Variants in UEVLD observed in about 807,000 individuals in gnomAD.
The protein encoded by UEVLD is ubiquitin-conjugating enzyme E2 variant 3.
A neutral mutation model predicts 58.6 loss-of-function variants in UEVLD; 47 were observed. The observed-to-expected ratio is 0.80, with a 90% confidence interval of 0.63 to 1.02. UEVLD has a LOEUF of 1.02. Ranked by LOEUF, UEVLD falls within the 50% of genes least tolerant of loss-of-function variation. UEVLD has a pLI of 0.00. For missense variants in UEVLD, 510 were observed against 550.6 expected, an observed-to-expected ratio of 0.93 and a Z score of 0.74; for synonymous variants, 197 against 195.3, an observed-to-expected ratio of 1.01 and a Z score of -0.07.
At chr11:18,544,940 A>G (rs1340036815) in intron 8 of UEVLD, 144 bp from the exon 9 acceptor site, 1 of 450,934 alleles carries the variant, frequency 2.2e-6, no homozygotes, top group Non-Finnish European at 3.8e-6. Context: ...ACACACACAT[A>G]TATACATATA....
At chr11:18,565,201 T>C (rs995885629) in intron 5 of UEVLD, among the ~76,000 whole-genome samples, 191 bp from the exon 6 acceptor site, 1 of 152,324 alleles carries the variant, frequency 6.6e-6, no homozygotes, top group South Asian at 2.1e-4. Context: ...GTCGACTAAA[T>C]AGAAATTATC....
intron 6 of UEVLD, among the ~76,000 whole-genome samples, chr11:18,564,459 C>A (rs1040575426): frequency 6.6e-6 from 1 of 151,530 alleles, no homozygotes; most frequent in Non-Finnish European, 1.5e-5. Context: ...AAAACAAACC[C>A]TAAACTAGTA....
At chr11:18,547,253 T>C (rs754614769) in intron 7 of UEVLD, among the ~76,000 whole-genome samples, 3 of 152,048 alleles carry the variant, frequency 2.0e-5, no homozygotes, top group Non-Finnish European at 4.4e-5. Flanking sequence ...TGACTGGGTG[T>C]GGTGGCTCAT....
At chr11:18,581,283 A>T (rs1853227051) in intron 1 of UEVLD, among the ~76,000 whole-genome samples, 1 of 152,226 alleles carries the variant, frequency 6.6e-6, no homozygotes, top group African/African-American at 2.4e-5. Flanking sequence ...TACAATAGTA[A>T]GTACAGGCAG....
chr11:18,580,786 T>C (rs1373524733), intron 1 of UEVLD, among the ~76,000 whole-genome samples: 1 of 152,092 alleles, frequency 6.6e-6, no homozygotes, highest in Non-Finnish European at 1.5e-5. Flanking sequence ...AACCTAGGAT[T>C]GTGGGAGTTT....
intron 2 of UEVLD, among the ~76,000 whole-genome samples, chr11:18,577,586 A>G (rs952056285): frequency 1.3e-5 from 2 of 152,092 alleles, no homozygotes; most frequent in Non-Finnish European, 2.9e-5. Flanking sequence ...AAAAGAGCCC[A>G]TGGTCGGGCA....
chr11:18,575,348 C>A lies in UEVLD; in HGVS notation c.192G>T (p.Gln64His), dbSNP rs1852846515. Residue 64 changes from glutamine (Q) to histidine (H), a missense_variant and splice_region_variant, in exon 3 of 12, where the codon CAG (glutamine) becomes CAT (histidine). Gln to His is a conservative substitution (Grantham distance 24). Coordinates refer to ENST00000396197, the MANE Select transcript of UEVLD (RefSeq NM_001040697.4). ...CATTTTTTCAACTTCCACACTTACCCTGATACATCACAGGAATTGTGCCAG... is the reference window on the plus strand; with the variant it reads ...CATTTTTTCAACTTCCACACTTACCATGATACATCACAGGAATTGTGCCAG... ...NFTGTIPVMY[Q>H]GNTYNIPIRF... 6.2e-7 allele frequency: 1 copy of A among 1,606,806 alleles called. No individual in the cohort carries two copies. Among genetic ancestry groups the A allele is most frequent in the Non-Finnish European group, 8.5e-7 (1 of 1,178,214 alleles).
Position 18,564,914 on chromosome 11 carries a change from C to G in UEVLD, c.590G>C (p.Cys197Ser), listed in dbSNP as rs367771273. ...TACCTTTGCTGAAATTGCTAATGTG[C>G]AGGCAATACCGAGTTCTCCACCTCC... ...VVGGGELGIA[C>S]TLAISAKGIA... The change falls in exon 6 of 12, where the codon TGC (cysteine) becomes TCC (serine). Residue 197 changes from cysteine to serine, a missense_variant. Coordinates refer to ENST00000396197, the MANE Select transcript of UEVLD (RefSeq NM_001040697.4). The G allele has an allele frequency of 5.5e-5, 88 of 1,612,630 alleles. No homozygotes were observed. Among genetic ancestry groups the G allele is most frequent in the South Asian group, 4.9e-4 (45 of 91,006 alleles).
At position 18,534,400 on chromosome 11, in the gene UEVLD, G is replaced by C; in HGVS notation, c.1178C>G (p.Ser393Ter). Residue 393 changes from serine to a stop codon, truncating the protein, a stop_gained, in exon 11 of 12, where the codon TCA (serine) becomes TGA (stop). Transcript: ENST00000396197. LOFTEE classifies it high-confidence loss of function. The stretch of plus-strand genomic sequence containing the variant: ...AATACTGTCAACCATGTCAGCTACT[G>C]ATAGTCCAACAGACCAGGATCTTTG... ...KGQRSWSVGL[S>*]VADMVDSIVN... is the part of the protein sequence containing the mutation. 6.3e-7 allele frequency: 1 copy of C among 1,581,212 alleles called. No individual in the cohort carries two copies. Among genetic ancestry groups the C allele is most frequent in the Admixed American group, 1.9e-5 (1 of 52,336 alleles).
intron 11 of UEVLD, among the ~76,000 whole-genome samples, chr11:18,533,058 TTTTC>T (rs1056841555): frequency 1.3e-5 from 2 of 150,102 alleles, no homozygotes; most frequent in Non-Finnish European, 3.0e-5. Flanking sequence ...TTTTCTTTTC[TTTTC>T]TTTTTTTTTT....
chr11:18,545,131 G>T (rs577759304), intron 8 of UEVLD, among the ~76,000 whole-genome samples: 1 of 146,904 alleles, frequency 6.8e-6, no homozygotes, highest in Admixed American at 6.8e-5. Flanking sequence ...GGAGTGCAGT[G>T]GCACGATCTC....
At position 18,574,829 on chromosome 11, in the gene UEVLD, T is replaced by C. The variant is rs148759354; in HGVS notation, c.193+518A>G. ...CCAGGCTAAGATTCAGTTTCACCTA[T>C]GGAATGGAGATAATGCTATATCACA... On this transcript the variant is annotated intron_variant, in intron 3 of 11. Transcript: ENST00000396197. 4.9e-3 allele frequency among the ~76,000 whole-genome samples: 742 copies of C among 152,200 alleles called. 6 individuals carry two copies. Among genetic ancestry groups the C allele is most frequent in the African/African-American group, 0.017 (717 of 41,524 alleles).
chr11:18,540,391 A>G (rs556126449), intron 9 of UEVLD, among the ~76,000 whole-genome samples: 1 of 152,366 alleles, frequency 6.6e-6, no homozygotes, highest in South Asian at 2.1e-4. Flanking sequence ...AAGTCTAAAC[A>G]GTTGGTATCT....
chr11:18,542,975 C>G (rs1397318211), intron 9 of UEVLD, among the ~76,000 whole-genome samples: 2 of 149,506 alleles, frequency 1.3e-5, no homozygotes, highest in African/African-American at 4.9e-5. Context: ...TCACTGCAGC[C>G]TCCGCCTCCT....
rs768321350 is a variant in UEVLD, at chr11:18,558,273, T to C, written c.670A>G (p.Met224Val). 10 of 1,613,528 alleles carry C rather than the reference T, an allele frequency of 6.2e-6. No individual in the cohort carries two copies. In the South Asian group the frequency reaches 8.8e-5, roughly 14 times the overall value. The change falls in exon 7 of 12, where the codon ATG (methionine) becomes GTG (valine). Residue 224 changes from methionine to valine, a missense_variant. Transcript: ENST00000396197. ...GGAAGGTTGAAGATTTCAAGGTCCATCGTGGCTCCTTTAGTCCCTTCTGAG... is the reference window on the plus strand; with the variant it reads ...GGAAGGTTGAAGATTTCAAGGTCCACCGTGGCTCCTTTAGTCCCTTCTGAG... ...DLSEGTKGATMDLEIFNLPNV... is the reference protein window; with the variant it reads ...DLSEGTKGATVDLEIFNLPNV...
At chr11:18,534,544 A>G in intron 10 of UEVLD, 91 bp from the exon 11 acceptor site, 1 of 1,330,198 alleles carries the variant, frequency 7.5e-7, no homozygotes. Flanking sequence ...AGATGTTTCT[A>G]TGACAGAAAC....
chr11:18,558,783 A>C (rs74596582), intron 6 of UEVLD, among the ~76,000 whole-genome samples: 1 of 140,368 alleles, frequency 7.1e-6, no homozygotes, highest in Non-Finnish European at 1.6e-5. Context: ...ACTCTATCTC[A>C]AAAAAAAAAA....
chr11:18,583,657 C>CTTTT (rs35384688), intron 1 of UEVLD, among the ~76,000 whole-genome samples: 10,101 of 116,858 alleles, frequency 0.086, 635 homozygotes, highest in South Asian at 0.18. Context: ...TCCAGTATTA[C>CTTTT]TTTTTTTTTT....
At chr11:18,567,634 C>T (rs764338090) in intron 4 of UEVLD, among the ~76,000 whole-genome samples, 4 of 152,152 alleles carry the variant, frequency 2.6e-5, no homozygotes, top group African/African-American at 7.2e-5. Context: ...TAAAACAAAA[C>T]GAACTGTGCT....
Sources: gnomAD v4.1 joint callset for allele counts (sites outside exome capture counted in the v4.1 genomes callset) on GRCh38, gnomAD v4.1.1 for gene constraint, MANE v1.5 for transcripts, NCBI Gene and HGNC (gene_info 2026-07-23, HGNC 2026-07-21) for gene names.